Variants in VPS13B observed in about 807,000 individuals in gnomAD.
The protein encoded by VPS13B is vacuolar protein sorting 13 homolog B, also known as intermembrane lipid transfer protein VPS13B.
In VPS13B, 285 loss-of-function variants were observed where a neutral mutation model predicts 426.4. The observed-to-expected ratio is 0.67, with a 90% CI of 0.61 to 0.74. VPS13B has a LOEUF of 0.74. VPS13B is among the 30% of genes least tolerant of loss of function. The pLI is 0.00. For synonymous variants in VPS13B, 1,676 were observed against 1,676.4 expected (o/e 1.00, Z 0.01); for missense variants, 4,537 against 4,782.6 (o/e 0.95, Z 1.51).
chr8:99,474,951 A>G (rs910694806), intron 24 of VPS13B, among the ~76,000 whole-genome samples: 2 of 152,156 alleles, frequency 1.3e-5, no homozygotes, highest in African/African-American at 4.8e-5. Context: ...CATGTTTATC[A>G]TCAGGTGAAT....
intron 12 of VPS13B, among the ~76,000 whole-genome samples, chr8:99,140,519 G>A (rs755575000): frequency 6.6e-6 from 1 of 151,530 alleles, no homozygotes; most frequent in African/African-American, 2.4e-5. Flanking sequence ...CTACTATTTG[G>A]TATTGATGAT....
At chr8:99,048,029 AG>A (rs1382528549) in intron 3 of VPS13B, among the ~76,000 whole-genome samples, 3 of 149,666 alleles carry the variant, frequency 2.0e-5, no homozygotes, top group Non-Finnish European at 4.4e-5. Flanking sequence ...TGTATCCCAG[AG>A]GTTTTGATAG....
chr8:99,564,401 G>A (rs1469471259), intron 31 of VPS13B, among the ~76,000 whole-genome samples: 1 of 152,154 alleles, frequency 6.6e-6, no homozygotes. Flanking sequence ...TCAAGAACCT[G>A]GGAAACATCC....
chr8:99,819,909 T>A lies in VPS13B; in HGVS notation c.8793-12T>A, dbSNP rs189516672. 113 of 1,612,968 alleles carry A rather than the reference T, an allele frequency of 7.0e-5. No individual in the cohort carries two copies. In the African/African-American group the frequency reaches 1.3e-3, roughly 19 times the overall value. On this transcript the variant is annotated splice_polypyrimidine_tract_variant and intron_variant, in intron 48 of 61. Coordinates refer to ENST00000357162, the MANE Select transcript of VPS13B (RefSeq NM_152564.5). The stretch of plus-strand genomic sequence containing the variant: ...ATTTCATTGAGTCTCTTGGATGTGG[T>A]TTTTGGAACAGGAATGAACAGCTAA...
chr8:99,568,020 C>T (rs1430885573), intron 31 of VPS13B, among the ~76,000 whole-genome samples: 1 of 152,110 alleles, frequency 6.6e-6, no homozygotes, highest in Non-Finnish European at 1.5e-5. Flanking sequence ...TGTTCAAATA[C>T]ACCTGGAGTG....
intron 36 of VPS13B, among the ~76,000 whole-genome samples, chr8:99,712,759 CA>C (rs386360840): frequency 0.073 from 7,113 of 98,038 alleles, 198 homozygotes; most frequent in African/African-American, 0.13. Context: ...GTCCCCAAGC[CA>C]AAAAAAAAAA....
chr8:99,776,680 T>G, intron 40 of VPS13B, 95 bp from the exon 41 acceptor site: 1 of 1,084,930 alleles, frequency 9.2e-7, no homozygotes, highest in Non-Finnish European at 1.4e-6. Flanking sequence ...GGATTTTCAG[T>G]ACTAGTTTTA....
rs933469968 is a variant in VPS13B at position 99,460,277 on chromosome 8, G to A, written c.3446-7137G>A. 7.3e-5 allele frequency among the ~76,000 whole-genome samples: 11 copies of A among 151,634 alleles called. No individual in the cohort carries two copies. In the South Asian group the frequency reaches 8.4e-4, roughly 12 times the overall value. ...ATGTATATTTTCAATGGTGGCTCTCGGAGCTGTATTATGATTTGAATTTAC... is the reference window on the plus strand; with the variant it reads ...ATGTATATTTTCAATGGTGGCTCTCAGAGCTGTATTATGATTTGAATTTAC... On this transcript the variant is annotated intron_variant, in intron 23 of 61. Transcript: ENST00000357162.
intron 17 of VPS13B, among the ~76,000 whole-genome samples, chr8:99,248,700 G>T (rs989129569): frequency 9.7e-4 from 147 of 152,266 alleles, no homozygotes; most frequent in African/African-American, 3.2e-3. Flanking sequence ...AACTAAAAGG[G>T]ATGTTAAAAG....
Position 99,229,064 on chromosome 8 carries a change from C to T in VPS13B, c.2515+36007C>T, listed in dbSNP as rs553127288. On this transcript the variant is annotated intron_variant, in intron 17 of 61. Transcript: ENST00000357162. ...GAGTGATTTTTGAAATGGAAACAGG[C>T]CTGGTTAGGTTTTCCAGAAAGTTGA... Among the ~76,000 whole-genome samples, 7 of 152,072 alleles carry T rather than the reference C, an allele frequency of 4.6e-5. No homozygotes were observed. The South Asian group carries it at 1.5e-3, about 32-fold the overall frequency.
chr8:99,206,777 C>A (rs892244163), intron 17 of VPS13B, among the ~76,000 whole-genome samples: 1 of 152,076 alleles, frequency 6.6e-6, no homozygotes, highest in Non-Finnish European at 1.5e-5. Context: ...GTTCTTTAAT[C>A]ACTTAGGAAA....
chr8:99,754,555 C>T (rs79803395), intron 39 of VPS13B, among the ~76,000 whole-genome samples: 2,566 of 152,266 alleles, frequency 0.017, 37 homozygotes, highest in South Asian at 0.058. Flanking sequence ...ATCCCTATCT[C>T]TAGATAAGGA....
chr8:99,575,243 C>T (rs551800668), intron 31 of VPS13B, among the ~76,000 whole-genome samples: 87 of 152,046 alleles, frequency 5.7e-4, no homozygotes, highest in African/African-American at 2.0e-3. Flanking sequence ...GCTTATGACC[C>T]TAATGAGGTC....
chr8:99,813,804 T>C (rs1813864263), intron 44 of VPS13B, among the ~76,000 whole-genome samples: 1 of 152,200 alleles, frequency 6.6e-6, no homozygotes, highest in South Asian at 2.1e-4. Flanking sequence ...TGACATTTAA[T>C]TTTTGGTTCC....
chr8:99,802,235 AT>A (rs1200323669), intron 43 of VPS13B, among the ~76,000 whole-genome samples: 1 of 152,036 alleles, frequency 6.6e-6, no homozygotes, highest in Non-Finnish European at 1.5e-5. Context: ...TCATGTGAAT[AT>A]GTAATATAGC....
Position 99,126,696 on chromosome 8 carries a change from A to G in VPS13B, c.1206+5251A>G, listed in dbSNP as rs1349023849. On this transcript the variant is annotated intron_variant, in intron 8 of 61. Transcript: ENST00000357162. ...GATAATGGGTCTTACAGTCTGTTCC[A>G]TATATTTTGCTATATTTTGAACAAT... 2.0e-5 allele frequency among the ~76,000 whole-genome samples: 3 copies of G among 152,236 alleles called. No homozygotes were observed. The East Asian group carries it at 5.8e-4, about 29-fold the overall frequency.
intron 17 of VPS13B, among the ~76,000 whole-genome samples, chr8:99,236,234 T>G (rs1383956877): frequency 6.6e-6 from 1 of 152,096 alleles, no homozygotes; most frequent in Non-Finnish European, 1.5e-5. Flanking sequence ...AACATCTAGT[T>G]CATTTGTTGA....
At chr8:99,625,537 A>G (rs1196572197) in intron 33 of VPS13B, among the ~76,000 whole-genome samples, 1 of 151,718 alleles carries the variant, frequency 6.6e-6, no homozygotes, top group Non-Finnish European at 1.5e-5. Context: ...ACATAGTGAG[A>G]ACCTGTTTCC....
At chr8:99,575,137 G>A (rs1373298649) in intron 31 of VPS13B, among the ~76,000 whole-genome samples, 2 of 152,134 alleles carry the variant, frequency 1.3e-5, no homozygotes, top group Non-Finnish European at 2.9e-5. Flanking sequence ...CTGCACTCCA[G>A]CCTAGGTGAC....
Sources: allele counts gnomAD v4.1 joint callset (sites outside exome capture counted in the v4.1 genomes callset), GRCh38; gene constraint gnomAD v4.1.1; transcripts MANE v1.5; gene names NCBI Gene and HGNC (gene_info 2026-07-23, HGNC 2026-07-21).